The following ENG variants were observed in gnomAD, a reference collection of about 807,000 sequenced individuals.
ENG encodes endoglin.
ENG carries 17 observed loss-of-function variants against 71.0 expected under a neutral mutation model. That is an observed-to-expected ratio of 0.24 (90% confidence interval 0.16 to 0.36). The LOEUF is 0.36. Ranked by LOEUF, ENG falls within the 10% of genes least tolerant of loss-of-function variation. ENG has a pLI of 1.00. For synonymous variants in ENG, 360 were observed against 366.9 expected (o/e 0.98, Z 0.21); for missense variants, 749 against 868.3 (o/e 0.86, Z 1.73).
chr9:127,819,444 A>T (rs10819309), intron 10 of ENG, 178 bp downstream of exon 10: 1 of 785,150 alleles, frequency 1.3e-6, no homozygotes, highest in Non-Finnish European at 2.1e-6. Context: ...TTGAGAGACC[A>T]AGAGCGTCAC....
intron 4 of ENG, 145 bp from the exon 5 acceptor site, chr9:127,826,005 ACTTCC>A: frequency 1.8e-6 from 2 of 1,103,602 alleles, no homozygotes; most frequent in Admixed American, 2.1e-5. Flanking sequence ...CTAGGTTCGA[ACTTCC>A]CTTCCACCAC....
At chr9:127,826,421 T>C in intron 4 of ENG, 89 bp downstream of exon 4, 1 of 1,560,258 alleles carries the variant, frequency 6.4e-7, no homozygotes, top group African/African-American at 1.3e-5. Context: ...CCTGCACTCT[T>C]GGTGCCCAAG....
chr9:127,818,890 G>C (rs1830403518), intron 10 of ENG, 58 bp from the exon 11 acceptor site: 1 of 1,501,920 alleles, frequency 6.7e-7, no homozygotes. Context: ...AGGAGGGCGA[G>C]GGGTGTGGGG....
chr9:127,826,788 C>A, intron 3 of ENG, 116 bp from the exon 4 acceptor site: 22 of 1,369,910 alleles, frequency 1.6e-5, no homozygotes, highest in Non-Finnish European at 2.2e-5. Context: ...AGAAAGAGGC[C>A]GGAGCTGAGA....
intron 8 of ENG, among the ~76,000 whole-genome samples, chr9:127,823,682 T>A (rs1830528179): frequency 7.2e-6 from 1 of 139,412 alleles, no homozygotes; most frequent in South Asian, 2.4e-4. Context: ...GCTTTTTTTT[T>A]TTTTTTTTTT....
rs1422833544 is a variant in ENG, at chr9:127,824,359, T to C, written c.1079A>G (p.Gln360Arg). The C allele has an allele frequency of 1.2e-6, 2 of 1,613,988 alleles. No individual in the cohort carries two copies. The highest frequency in any genetic ancestry group is 3.3e-5 in the Admixed American group (2 of 60,000). Residue 360 changes from glutamine (Q) to arginine (R), a missense_variant, in exon 8 of 15, where the codon CAG becomes CGG. Coordinates refer to ENST00000373203, the MANE Select transcript of ENG (RefSeq NM_001114753.3). ...CATGGCGTCGTCGGCACACTTTGTC[T>C]GGATCAAGGACATGAGCAGCTCCGG... is the stretch of plus-strand genomic sequence containing the variant. ...CSPELLMSLIQTKCADDAMTL... is the reference protein window; with the variant it reads ...CSPELLMSLIRTKCADDAMTL...
At position 127,854,471 on chromosome 9, in the gene ENG, G is replaced by T; in HGVS notation, c.-116C>A. The T allele has an allele frequency of 8.6e-7, 1 of 1,168,466 alleles. No homozygotes were observed. The highest frequency in any genetic ancestry group is 1.2e-6 in the Non-Finnish European group (1 of 838,270). The allele number at this position is 1,168,466 out of a possible 1,614,324, so 72.4% of individuals were successfully genotyped here. On this transcript the variant is annotated 5_prime_UTR_variant, in exon 1 of 15. Coordinates refer to ENST00000373203, the MANE Select transcript of ENG (RefSeq NM_001114753.3). ...GGGGACCCGAGGGGAGCAGGCGGCC[G>T]GAGCGACGGCGTCCCTGCTCCAGCC... is the stretch of plus-strand genomic sequence containing the variant.
intron 2 of ENG, among the ~76,000 whole-genome samples, chr9:127,833,424 G>A (rs1222611505): frequency 6.6e-6 from 1 of 151,696 alleles, no homozygotes; most frequent in African/African-American, 2.4e-5. Flanking sequence ...GGGAGGCTGA[G>A]GCAGGAGAAT....
At chr9:127,822,396 A>C (rs1830489225) in intron 8 of ENG, 1 of 152,246 alleles carries the variant, frequency 6.6e-6, no homozygotes, top group Non-Finnish European at 1.5e-5. Flanking sequence ...AATTCAAATC[A>C]TCTTTGGGAA....
intron 8 of ENG, among the ~76,000 whole-genome samples, chr9:127,823,970 C>T (rs887337773): frequency 6.6e-6 from 1 of 152,116 alleles, no homozygotes; most frequent in African/African-American, 2.4e-5. Flanking sequence ...CGTGAACCAC[C>T]ATGCCTGGCC....
intron 12 of ENG, 88 bp downstream of exon 12, chr9:127,818,032 C>T: frequency 2.5e-6 from 4 of 1,601,140 alleles, no homozygotes; most frequent in Admixed American, 1.7e-5. Flanking sequence ...GCTGGCCCCA[C>T]ATCCCTGTGG....
At position 127,854,310 on chromosome 9, in the gene ENG, T is replaced by G; in HGVS notation, c.46A>C (p.Ser16Arg). The change falls in exon 1 of 15, where the codon AGC becomes CGC. Residue 16 changes from serine (S) to arginine (R), a missense_variant. Coordinates refer to ENST00000373203, the MANE Select transcript of ENG (RefSeq NM_001114753.3). ...LPLAVALLLASCSLSPTSLAE... is the reference protein window; with the variant it reads ...LPLAVALLLARCSLSPTSLAE... Reference sequence around the variant, plus strand: ...CTACTTGTGGGGCTGAGGCTGCAGCTGGCCAGCAGCAGGGCAACAGCCAGA... The same window carrying G: ...CTACTTGTGGGGCTGAGGCTGCAGCGGGCCAGCAGCAGGGCAACAGCCAGA... 1 of 1,594,636 alleles carries G rather than the reference T, an allele frequency of 6.3e-7. No individual in the cohort carries two copies.
At chr9:127,823,040 C>T (rs1588579652) in intron 8 of ENG, among the ~76,000 whole-genome samples, 2 of 151,950 alleles carry the variant, frequency 1.3e-5, no homozygotes, top group Non-Finnish European at 2.9e-5. Context: ...AGGGTTTCAC[C>T]GTGTTGCCCA....
intron 8 of ENG, among the ~76,000 whole-genome samples, chr9:127,823,806 C>T (rs1564455015): frequency 6.6e-6 from 1 of 151,178 alleles, no homozygotes; most frequent in Non-Finnish European, 1.5e-5. Context: ...CTCAGCCTCC[C>T]AAGTAGCTGG....
chr9:127,844,273 G>T (rs1831118504), intron 1 of ENG, among the ~76,000 whole-genome samples: 1 of 151,614 alleles, frequency 6.6e-6, no homozygotes, highest in Non-Finnish European at 1.5e-5. Flanking sequence ...TTACAGGCAT[G>T]CACCACCATG....
At chr9:127,825,160 T>G (rs1830576054) in intron 6 of ENG, 71 bp downstream of exon 6, 1 of 1,612,420 alleles carries the variant, frequency 6.2e-7, no homozygotes, top group Non-Finnish European at 8.5e-7. Context: ...GGGTTCACCT[T>G]TCCAGGAAAC....
intron 2 of ENG, among the ~76,000 whole-genome samples, chr9:127,833,337 C>CG (rs1353149293): frequency 1.3e-5 from 2 of 151,842 alleles, no homozygotes; most frequent in Non-Finnish European, 2.9e-5. Context: ...ACCTGACCAA[C>CG]GTGGAGAAAC....
intron 7 of ENG, 152 bp downstream of exon 7, chr9:127,824,648 T>C (rs1830558064): frequency 9.2e-7 from 1 of 1,091,586 alleles, no homozygotes; most frequent in Non-Finnish European, 1.3e-6. Context: ...TATGATTAGC[T>C]ACTCCCATTG....
At chr9:127,829,082 G>T (rs41436346) in intron 3 of ENG, among the ~76,000 whole-genome samples, 1 of 152,094 alleles carries the variant, frequency 6.6e-6, no homozygotes, top group African/African-American at 2.4e-5. Context: ...TAAAAGTTGA[G>T]GCTTTTGGTT....
Sources: allele counts gnomAD v4.1 joint callset (sites outside exome capture counted in the v4.1 genomes callset), GRCh38; gene constraint gnomAD v4.1.1; transcripts MANE v1.5; gene names NCBI Gene and HGNC (gene_info 2026-07-23, HGNC 2026-07-21).